SAMD5: variants seen among roughly 807,000 people sequenced by gnomAD.
SAMD5 encodes sterile alpha motif domain containing 5.
A neutral mutation model predicts 11.3 loss-of-function variants in SAMD5; 13 were observed. The observed-to-expected ratio is 1.15, with a 90% confidence interval of 0.75 to 1.83. The LOEUF is 1.83. SAMD5 is among the 40% of genes most tolerant of loss of function. The pLI is 0.00. For missense variants in SAMD5, 255 were observed against 239.1 expected (o/e 1.07, Z -0.44); for synonymous variants, 129 against 111.3 (o/e 1.16, Z -1.00).
At chr6:147,698,170 C>T (rs929239112) in intron 1 of SAMD5, among the ~76,000 whole-genome samples, 3 of 152,142 alleles carry the variant, frequency 2.0e-5, no homozygotes, top group Admixed American at 6.5e-5. Flanking sequence ...TGCTCACCTT[C>T]TGCTGTGTGG....
chr6:147,613,293 T>C (rs1789812912), intron 1 of SAMD5, among the ~76,000 whole-genome samples: 3 of 151,976 alleles, frequency 2.0e-5, no homozygotes, highest in Admixed American at 2.0e-4. Flanking sequence ...GTTTTTGTCC[T>C]GTGAATCTGT....
At chr6:147,677,355 A>G (rs1296652620) in intron 1 of SAMD5, among the ~76,000 whole-genome samples, 1 of 152,180 alleles carries the variant, frequency 6.6e-6, no homozygotes, top group Non-Finnish European at 1.5e-5. Context: ...GTGGTAAGGA[A>G]CTTCAGTGGA....
intron 1 of SAMD5, among the ~76,000 whole-genome samples, chr6:147,618,514 T>C (rs1400803859): frequency 6.6e-6 from 1 of 152,130 alleles, no homozygotes; most frequent in African/African-American, 2.4e-5. Context: ...GTGGTGAAGA[T>C]ATAGGAGGTC....
chr6:147,655,895 C>T (rs537991467), intron 1 of SAMD5, among the ~76,000 whole-genome samples: 2 of 152,264 alleles, frequency 1.3e-5, no homozygotes, highest in South Asian at 2.1e-4. Flanking sequence ...AAGAATAACA[C>T]TTTCTAACAT....
At position 147,524,212 on chromosome 6, in the gene SAMD5, C is replaced by T. The variant is rs7770251; in HGVS notation, c.459+14825C>T. ...GTGAATTGACTCTTCCGCTCTTCTT[C>T]TGATCACTTCTCCAAACACTGTGGC... On this transcript the variant is annotated intron_variant, in intron 1 of 1. Transcript: ENST00000367474. 2.6e-3 allele frequency among the ~76,000 whole-genome samples: 388 copies of T among 152,104 alleles called. 3 individuals carry two copies. Among genetic ancestry groups the T allele is most frequent in the African/African-American group, 8.9e-3 (369 of 41,490 alleles).
chr6:147,829,934 C>G, the SAMD5 span, among the ~76,000 whole-genome samples: 1 of 152,068 alleles, frequency 6.6e-6, no homozygotes, highest in Non-Finnish European at 1.5e-5. Context: ...CTGGGATGCT[C>G]TATTATACAT....
At chr6:147,803,717 GATCGGCAAGTAGCAAAGTCA>G in the SAMD5 span, among the ~76,000 whole-genome samples, 1 of 152,196 alleles carries the variant, frequency 6.6e-6, no homozygotes, top group South Asian at 2.1e-4. Flanking sequence ...AAAGACACGT[GATCGGCAAGTAGCAAAGTCA>G]GGATTTGAAG....
chr6:147,579,602 A>T (rs922042095), intron 1 of SAMD5, among the ~76,000 whole-genome samples: 3 of 151,648 alleles, frequency 2.0e-5, no homozygotes, highest in Non-Finnish European at 1.5e-5. Context: ...TGTAGCTGGG[A>T]CTACAGGCAT....
chr6:147,733,590 G>C (rs1209947220), intron 1 of SAMD5: 1 of 153,808 alleles, frequency 6.5e-6, no homozygotes, highest in Non-Finnish European at 1.4e-5. Context: ...GAAAAGTCAA[G>C]GGGTAATCCA....
intron 1 of SAMD5, among the ~76,000 whole-genome samples, chr6:147,593,784 T>C (rs568518984): frequency 1.3e-5 from 2 of 152,280 alleles, no homozygotes; most frequent in South Asian, 2.1e-4. Context: ...ACATCCATTG[T>C]AGGAGCTCTA....
the SAMD5 span, among the ~76,000 whole-genome samples, chr6:147,836,811 C>T: frequency 6.6e-6 from 1 of 152,152 alleles, no homozygotes; most frequent in South Asian, 2.1e-4. Context: ...ATGTCTCTAG[C>T]CCAATTTCAG....
chr6:147,617,319 T>C (rs1789887707), intron 1 of SAMD5, among the ~76,000 whole-genome samples: 1 of 152,202 alleles, frequency 6.6e-6, no homozygotes, highest in Non-Finnish European at 1.5e-5. Flanking sequence ...GGACCTCTTA[T>C]GGTGGTTGTG....
At chr6:147,798,944 T>G in the SAMD5 span, among the ~76,000 whole-genome samples, 1 of 152,212 alleles carries the variant, frequency 6.6e-6, no homozygotes, top group Non-Finnish European at 1.5e-5. Flanking sequence ...CATCCTTTTA[T>G]TTTGAGCCTA....
At position 147,567,966 on chromosome 6, in the gene SAMD5, C is replaced by G. The variant is rs1237358397; in HGVS notation, c.*3510C>G. 11 of 985,842 alleles carry G rather than the reference C, an allele frequency of 1.1e-5. No homozygotes were observed. Among genetic ancestry groups the G allele is most frequent in the Middle Eastern group, 5.2e-4 (1 of 1,916 alleles). 61.1% of individuals were successfully genotyped at this position (985,842 alleles called of 1,614,324 possible). A position where few individuals can be genotyped will look rare whatever the true frequency, so the allele number is the denominator to read the frequency against. ...AAAACAGCAAATTCATAAAGGCCAG[C>G]AGTTTTCAAGTCTGGGGAAATAGGC... On this transcript the variant is annotated 3_prime_UTR_variant, in exon 2 of 2. Coordinates refer to ENST00000367474, the MANE Select transcript of SAMD5 (RefSeq NM_001030060.3).
At chr6:147,778,808 G>C in the SAMD5 span, among the ~76,000 whole-genome samples, 1 of 151,858 alleles carries the variant, frequency 6.6e-6, no homozygotes, top group Non-Finnish European at 1.5e-5. Flanking sequence ...GAACTTACTT[G>C]GTATGTTTTC....
At chr6:147,631,506 C>T (rs1282097057) in intron 1 of SAMD5, among the ~76,000 whole-genome samples, 2 of 152,052 alleles carry the variant, frequency 1.3e-5, no homozygotes, top group Admixed American at 1.3e-4. Context: ...ATGAAGGTTT[C>T]ACTGAATACC....
At chr6:147,817,030 A>G in the SAMD5 span, among the ~76,000 whole-genome samples, 1 of 152,182 alleles carries the variant, frequency 6.6e-6, no homozygotes, top group Non-Finnish European at 1.5e-5. Context: ...ATTAAAATGG[A>G]GACCCCGCCT....
At chr6:147,829,767 CAG>C in the SAMD5 span, among the ~76,000 whole-genome samples, 1 of 152,018 alleles carries the variant, frequency 6.6e-6, no homozygotes, top group Admixed American at 6.6e-5. Context: ...AGTTAATACT[CAG>C]AGCTGCAAAA....
intron 1 of SAMD5, among the ~76,000 whole-genome samples, chr6:147,543,206 T>G (rs2128442220): frequency 6.6e-6 from 1 of 152,322 alleles, no homozygotes; most frequent in South Asian, 2.1e-4. Context: ...TCCTTCTAAC[T>G]GCAAAATTCT....
Sources: gnomAD v4.1 joint callset for allele counts (sites outside exome capture counted in the v4.1 genomes callset) on GRCh38, gnomAD v4.1.1 for gene constraint, MANE v1.5 for transcripts, NCBI Gene and HGNC (gene_info 2026-07-23, HGNC 2026-07-21) for gene names.